Variants in CABIN1 observed in about 807,000 individuals in gnomAD.
The protein encoded by CABIN1 is calcineurin binding protein 1, also known as calcineurin-binding protein cabin-1.
In CABIN1, 133 loss-of-function variants were observed where a neutral mutation model predicts 227.7. The ratio of observed to expected loss-of-function variants is 0.58; its 90% CI spans 0.51 to 0.67. The LOEUF (loss-of-function observed/expected upper bound fraction) is 0.67, where lower values mean the gene tolerates loss of function less well. CABIN1 is among the 30% of genes least tolerant of loss of function. CABIN1 has a pLI of 0.00. For synonymous variants in CABIN1, 1,086 were observed against 1,155.1 expected, an observed-to-expected ratio of 0.94 and a Z score of 1.21; for missense variants, 2,408 against 2,852.5, an observed-to-expected ratio of 0.84 and a Z score of 3.55.
In CABIN1 at chr22:24,164,955, T is replaced by G. The variant is rs368747812; in HGVS notation, c.4910+392T>G. Among the ~76,000 whole-genome samples the G allele has an allele frequency of 5.9e-5, 9 of 152,168 alleles. No individual in the cohort carries two copies. The East Asian group carries it at 9.7e-4, about 16-fold the overall frequency. ...GTAACAGTGGGGTGAGCGACAGGGGTGCCTGGGCCTCAGTGGTAAACAGGG... is the reference window on the plus strand; with the variant it reads ...GTAACAGTGGGGTGAGCGACAGGGGGGCCTGGGCCTCAGTGGTAAACAGGG... On this transcript the variant is annotated intron_variant, in intron 30 of 36. Coordinates refer to ENST00000263119, the MANE Select transcript of CABIN1 (RefSeq NM_012295.4).
At chr22:24,086,159 CT>C (rs1268536762) in intron 22 of CABIN1, among the ~76,000 whole-genome samples, 1 of 152,246 alleles carries the variant, frequency 6.6e-6, no homozygotes, top group African/African-American at 2.4e-5. Flanking sequence ...TGGCCGTCCT[CT>C]TGGGGTGACT....
In CABIN1 at chr22:24,087,705, G is replaced by A. The variant is rs185544584; in HGVS notation, c.3517G>A (p.Val1173Met). The change falls in exon 23 of 37, where the codon GTG becomes ATG. Residue 1173 changes from valine (V) to methionine (M), a missense_variant. Physicochemically the swap from Val to Met is conservative, Grantham distance 21 (BLOSUM62 1). Transcript: ENST00000263119. ...GAGAGGCGAGCTGCCCCCTGAGCTC[G>A]TGCAGCAGGTGAGGAGGGGGTGCTG... The part of the protein sequence containing the change: ...QWRGELPPEL[V>M]QQMEGRRDSM... The A allele has an allele frequency of 8.1e-6, 13 of 1,613,812 alleles. No homozygotes were observed. The highest frequency in any genetic ancestry group is 3.4e-4 in the Middle Eastern group (2 of 5,846).
At chr22:24,166,586 C>T in intron 31 of CABIN1, 53 bp from the exon 32 acceptor site, 2 of 1,611,104 alleles carry the variant, frequency 1.2e-6, no homozygotes, top group East Asian at 2.2e-5. Context: ...AGAGGTGACT[C>T]ATTGCAGTGG....
At position 24,168,440 on chromosome 22, in the gene CABIN1, T is replaced by C. The variant is rs934661489; in HGVS notation, c.5683-7T>C. 2 of 1,568,018 alleles carry C rather than the reference T, an allele frequency of 1.3e-6. No homozygotes were observed. Among genetic ancestry groups the C allele is most frequent in the South Asian group, 1.2e-5 (1 of 85,416 alleles). On this transcript the variant is annotated splice_polypyrimidine_tract_variant and splice_region_variant and intron_variant, in intron 32 of 36. Coordinates refer to ENST00000263119, the MANE Select transcript of CABIN1 (RefSeq NM_012295.4). ...CGCCCCCTGACTTCCAGCATCTCCCTGTTAAGGTGGATGAGGAGGCTGCGC... is the reference window on the plus strand; with the variant it reads ...CGCCCCCTGACTTCCAGCATCTCCCCGTTAAGGTGGATGAGGAGGCTGCGC...
intron 16 of CABIN1, among the ~76,000 whole-genome samples, chr22:24,068,703 A>G (rs1295279023): frequency 6.6e-6 from 1 of 152,148 alleles, no homozygotes; most frequent in Admixed American, 6.5e-5. Context: ...AATCTTGCAA[A>G]TATTTTTTTC....
chr22:24,042,214 C>G (rs2037433081), intron 5 of CABIN1, among the ~76,000 whole-genome samples: 1 of 152,172 alleles, frequency 6.6e-6, no homozygotes, highest in East Asian at 1.9e-4. Flanking sequence ...CCTCAGCCTC[C>G]CAAAGTGGGA....
At chr22:24,048,950 G>T in intron 6 of CABIN1, 141 bp from the exon 7 acceptor site, 1 of 970,420 alleles carries the variant, frequency 1.0e-6, no homozygotes, top group Non-Finnish European at 1.6e-6. Flanking sequence ...TAACCTGACT[G>T]AATTAGTTAA....
chr22:24,136,491 G>A (rs527410492), intron 29 of CABIN1, among the ~76,000 whole-genome samples: 3 of 145,048 alleles, frequency 2.1e-5, no homozygotes, highest in South Asian at 2.2e-4. Context: ...CTGGGACTAC[G>A]GGTCCACACT....
intron 14 of CABIN1, among the ~76,000 whole-genome samples, chr22:24,063,819 T>G (rs2039378008): frequency 6.6e-6 from 1 of 152,164 alleles, no homozygotes; most frequent in Admixed American, 6.5e-5. Context: ...TTATGATATC[T>G]CCCCTCGCAG....
At chr22:24,164,623 C>T in intron 30 of CABIN1, 60 bp downstream of exon 30, 2 of 1,561,254 alleles carry the variant, frequency 1.3e-6, no homozygotes, top group Non-Finnish European at 1.7e-6. Flanking sequence ...GCACACACAC[C>T]CCAGGAAGCC....
intron 11 of CABIN1, 30 bp downstream of exon 11, chr22:24,059,393 T>G (rs767720162): frequency 6.2e-7 from 1 of 1,613,142 alleles, no homozygotes; most frequent in East Asian, 2.2e-5. Flanking sequence ...ACCATTCACT[T>G]TGGGAATTCT....
chr22:24,158,898 C>T (rs988603687), intron 29 of CABIN1, among the ~76,000 whole-genome samples: 1 of 152,172 alleles, frequency 6.6e-6, no homozygotes, highest in Non-Finnish European at 1.5e-5. Context: ...GAGGACAAGA[C>T]ACTTTTCCAG....
At chr22:24,034,879 T>A (rs1362540147) in intron 1 of CABIN1, among the ~76,000 whole-genome samples, 1 of 152,250 alleles carries the variant, frequency 6.6e-6, no homozygotes, top group Non-Finnish European at 1.5e-5. Flanking sequence ...GATTCCCTGT[T>A]GCCTACAGGT....
Position 24,084,709 on chromosome 22 carries a change from C to T in CABIN1, c.3041C>T (p.Thr1014Ile), listed in dbSNP as rs768110064. 2.5e-6 allele frequency: 4 copies of T among 1,614,230 alleles called. No individual in the cohort carries two copies. Among genetic ancestry groups the T allele is most frequent in the Non-Finnish European group, 3.4e-6 (4 of 1,180,056 alleles). ...GCCAACCTACTGAAGAGAATTGCCACCATTGTGCCTCGCACAGAGAGGCCA... is the reference window on the plus strand; with the variant it reads ...GCCAACCTACTGAAGAGAATTGCCATCATTGTGCCTCGCACAGAGAGGCCA... ...DLANLLKRIA[T>I]IVPRTERPAL... The change falls in exon 21 of 37, where the codon ACC (threonine) becomes ATC (isoleucine). Residue 1014 changes from threonine (T) to isoleucine (I), a missense_variant. Physicochemically the swap from Thr to Ile is moderately conservative, Grantham distance 89. Coordinates refer to ENST00000263119, the MANE Select transcript of CABIN1 (RefSeq NM_012295.4).
chr22:24,112,417 C>T (rs1017308833), intron 26 of CABIN1, among the ~76,000 whole-genome samples: 1 of 152,132 alleles, frequency 6.6e-6, no homozygotes, highest in Non-Finnish European at 1.5e-5. Context: ...TTCATGTTAC[C>T]TTGTGCTTAG....
At chr22:24,122,025 G>T (rs1232477694) in intron 28 of CABIN1, among the ~76,000 whole-genome samples, 2 of 152,198 alleles carry the variant, frequency 1.3e-5, no homozygotes, top group Non-Finnish European at 2.9e-5. Flanking sequence ...GTTTGGGTGG[G>T]AGGAGAGTTG....
intron 26 of CABIN1, among the ~76,000 whole-genome samples, chr22:24,108,110 T>C (rs1174210069): frequency 6.6e-6 from 1 of 152,200 alleles, no homozygotes; most frequent in Non-Finnish European, 1.5e-5. Context: ...TGGGATCCCA[T>C]GTATGTGTCA....
intron 1 of CABIN1, among the ~76,000 whole-genome samples, chr22:24,030,138 T>A (rs2036393051): frequency 1.3e-5 from 2 of 152,230 alleles, no homozygotes; most frequent in Non-Finnish European, 2.9e-5. Context: ...CCCAACAGCC[T>A]GAGCAAATAC....
At chr22:24,097,941 C>T in intron 25 of CABIN1, 73 bp from the exon 26 acceptor site, 1 of 1,591,518 alleles carries the variant, frequency 6.3e-7, no homozygotes, top group Admixed American at 1.7e-5. Context: ...AGGGCATTCA[C>T]CCTTACCAGT....
Sources: allele counts gnomAD v4.1 joint callset (sites outside exome capture counted in the v4.1 genomes callset), GRCh38; gene constraint gnomAD v4.1.1; transcripts MANE v1.5; gene names NCBI Gene and HGNC (gene_info 2026-07-23, HGNC 2026-07-21).